The following PTPN9 variants were observed in gnomAD, a reference collection of about 807,000 sequenced individuals.
PTPN9 encodes the protein tyrosine-protein phosphatase non-receptor type 9.
PTPN9 carries 26 observed loss-of-function variants against 69.8 expected under a neutral mutation model. The ratio of observed to expected loss-of-function variants is 0.37; its 90% CI spans 0.27 to 0.52. PTPN9 has a LOEUF of 0.52. Ranked by LOEUF, PTPN9 falls within the 20% of genes least tolerant of loss-of-function variation. The pLI is 0.91. For synonymous variants in PTPN9, 274 were observed against 272.5 expected (o/e 1.01, Z -0.05); for missense variants, 549 against 740.3 (o/e 0.74, Z 3.00).
rs1425801593 is a variant in PTPN9, at chr15:75,562,779, C to T, written c.63+15935G>A. Among the ~76,000 whole-genome samples the T allele has an allele frequency of 4.7e-5, 5 of 106,974 alleles. No homozygotes were observed. The East Asian group carries it at 1.0e-3, about 22-fold the overall frequency. The allele number at this position is 106,974 out of a possible 152,430, so 70.2% of individuals were successfully genotyped here. ...CTGCACTCCAGCCTGGATGACAGAG[C>T]GAGACTCGTTTCAAAAAAAAAAAAA... On this transcript the variant is annotated intron_variant, in intron 1 of 12. Coordinates refer to ENST00000618819, the MANE Select transcript of PTPN9 (RefSeq NM_002833.4).
At chr15:75,493,291 A>G (rs2074721711) in intron 7 of PTPN9, among the ~76,000 whole-genome samples, 1 of 152,182 alleles carries the variant, frequency 6.6e-6, no homozygotes, top group African/African-American at 2.4e-5. Context: ...CAAAGAGAAA[A>G]TAGATGATAC....
chr15:75,543,103 C>T (rs2075016438), intron 1 of PTPN9, among the ~76,000 whole-genome samples: 1 of 146,448 alleles, frequency 6.8e-6, no homozygotes, highest in African/African-American at 2.5e-5. Flanking sequence ...TGCAGTGTTT[C>T]GTTTTTTGTC....
chr15:75,504,306 C>T (rs1321485277), intron 7 of PTPN9, among the ~76,000 whole-genome samples: 47 of 117,608 alleles, frequency 4.0e-4, no homozygotes, highest in African/African-American at 1.5e-3. Context: ...AGGTGAGGGG[C>T]GCCTCTGCCC....
intron 7 of PTPN9, among the ~76,000 whole-genome samples, chr15:75,494,830 C>A (rs1819589263): frequency 6.6e-6 from 1 of 151,808 alleles, no homozygotes; most frequent in Non-Finnish European, 1.5e-5. Context: ...TTGAGACCAG[C>A]CTGGCCAACA....
At chr15:75,506,386 T>C (rs1023275853) in intron 6 of PTPN9, among the ~76,000 whole-genome samples, 23 of 152,168 alleles carry the variant, frequency 1.5e-4, no homozygotes, top group African/African-American at 5.6e-4. Flanking sequence ...GTCAACCCCA[T>C]ACTCAGACAA....
At chr15:75,575,610 A>G (rs1248428194) in intron 1 of PTPN9, among the ~76,000 whole-genome samples, 1 of 152,198 alleles carries the variant, frequency 6.6e-6, no homozygotes, top group Admixed American at 6.5e-5. Flanking sequence ...TAATTTTAAT[A>G]TTTTAAATAA....
intron 10 of PTPN9, 92 bp from the exon 11 acceptor site, chr15:75,470,922 C>T: frequency 6.9e-7 from 1 of 1,448,258 alleles, no homozygotes; most frequent in Non-Finnish European, 9.4e-7. Context: ...CCCCAGGCAG[C>T]AATATCATCT....
chr15:75,471,689 C>T (rs976326184), intron 10 of PTPN9, among the ~76,000 whole-genome samples: 32 of 149,926 alleles, frequency 2.1e-4, no homozygotes, highest in African/African-American at 6.9e-4. Flanking sequence ...GCCAAGGTGG[C>T]GGATCACCTG....
intron 5 of PTPN9, among the ~76,000 whole-genome samples, chr15:75,515,859 C>T (rs1010999216): frequency 6.0e-5 from 9 of 150,784 alleles, no homozygotes; most frequent in African/African-American, 1.5e-4. Context: ...ATCGCGCCAC[C>T]GCACTCCAGC....
intron 1 of PTPN9, among the ~76,000 whole-genome samples, chr15:75,549,753 T>C (rs957296361): frequency 3.3e-5 from 5 of 152,098 alleles, no homozygotes; most frequent in African/African-American, 7.2e-5. Flanking sequence ...GGCGGAAGGA[T>C]TGCTTGAGAC....
chr15:75,537,598 C>CA (rs1254336927), intron 1 of PTPN9, among the ~76,000 whole-genome samples: 1 of 142,484 alleles, frequency 7.0e-6, no homozygotes, highest in African/African-American at 2.6e-5. Context: ...ATTAAAAATG[C>CA]AAAAAACTTA....
chr15:75,573,022 A>G (rs539092517), intron 1 of PTPN9, among the ~76,000 whole-genome samples: 17 of 152,348 alleles, frequency 1.1e-4, no homozygotes, highest in Admixed American at 2.0e-4. Context: ...TATCAATACC[A>G]AAACCCACAA....
chr15:75,502,836 C>A (rs112505891), intron 7 of PTPN9, among the ~76,000 whole-genome samples: 22 of 152,140 alleles, frequency 1.4e-4, no homozygotes, highest in Non-Finnish European at 2.6e-4. Context: ...TTAAAAAAAA[C>A]TTGCATTTCA....
chr15:75,476,225 C>T (rs996576995), intron 9 of PTPN9, among the ~76,000 whole-genome samples: 2 of 152,086 alleles, frequency 1.3e-5, no homozygotes, highest in African/African-American at 4.8e-5. Context: ...GTTGTAAGAG[C>T]TGTATTTTTT....
At chr15:75,505,641 T>C (rs762756264) in intron 7 of PTPN9, 34 bp downstream of exon 7, 17 of 1,555,110 alleles carry the variant, frequency 1.1e-5, no homozygotes. Flanking sequence ...AGCATCCTGG[T>C]AACCAGCTGC....
intron 9 of PTPN9, among the ~76,000 whole-genome samples, chr15:75,474,060 G>C (rs369097826): frequency 1.2e-4 from 19 of 152,248 alleles, no homozygotes; most frequent in Middle Eastern, 3.4e-3. Context: ...CAGAACTTCA[G>C]CCATCACATC....
At chr15:75,501,814 C>T (rs765361061) in intron 7 of PTPN9, among the ~76,000 whole-genome samples, 34 of 152,130 alleles carry the variant, frequency 2.2e-4, no homozygotes, top group Non-Finnish European at 4.4e-4. Context: ...AAAGAGATTT[C>T]TGGGGCAGCC....
rs1567492733 is a variant in PTPN9 at position 75,508,911 on chromosome 15, C to CG, written c.639+5_639+6insC. Reference sequence around the variant, plus strand: ...CTCCAGATAAAAAAGGGCAAGCTTGCCTTACCCTCTCCCGGACTTTGTCCT... The same window carrying CG: ...CTCCAGATAAAAAAGGGCAAGCTTGCGCTTACCCTCTCCCGGACTTTGTCCT... On this transcript the variant is annotated splice_donor_region_variant and intron_variant, in intron 6 of 12. Transcript: ENST00000618819. The CG allele has an allele frequency of 1.2e-6, 2 of 1,602,350 alleles. No individual in the cohort carries two copies. The highest frequency in any genetic ancestry group is 1.7e-6 in the Non-Finnish European group (2 of 1,169,666).
At position 75,518,821 on chromosome 15, in the gene PTPN9, GAAAA is replaced by G. The variant is rs57367538; in HGVS notation, c.423-1461_423-1458del. Among the ~76,000 whole-genome samples the G allele has an allele frequency of 8.9e-3, 1,189 of 133,266 alleles. 18 individuals are homozygous for G. The highest frequency in any genetic ancestry group is 0.029 in the African/African-American group (1,115 of 38,438). The allele number at this position is 133,266 out of a possible 152,430, so 87.4% of individuals were successfully genotyped here. On this transcript the variant is annotated intron_variant, in intron 4 of 12. Coordinates refer to ENST00000618819, the MANE Select transcript of PTPN9 (RefSeq NM_002833.4). ...AACAGAGCGAGACTCCATCTCAGGG[GAAAA>G]AAAAAAAAAAAAAAGTAAGCCTATT...
Sources: allele counts gnomAD v4.1 joint callset (sites outside exome capture counted in the v4.1 genomes callset), GRCh38; gene constraint gnomAD v4.1.1; transcripts MANE v1.5; gene names NCBI Gene and HGNC (gene_info 2026-07-23, HGNC 2026-07-21).